Variants in LRRC61 observed in about 807,000 individuals in gnomAD.
LRRC61 encodes leucine rich repeat containing 61.
In LRRC61, 9 loss-of-function variants were observed where a neutral mutation model predicts 15.1. That is an observed-to-expected ratio of 0.60 (90% CI 0.36 to 1.04). LRRC61 has a LOEUF of 1.04. Ranked by LOEUF, LRRC61 falls within the 50% of genes least tolerant of loss-of-function variation. LRRC61 has a pLI of 0.01. For missense variants in LRRC61, 344 were observed against 335.6 expected (o/e 1.03, Z -0.20); for synonymous variants, 173 against 158.6 (o/e 1.09, Z -0.68).
At chr7:150,320,281 C>T (rs1053592378), upstream of LRRC61, among the ~76,000 whole-genome samples, 13 of 152,202 alleles carry the variant, frequency 8.5e-5, no homozygotes, top group East Asian at 3.8e-4. Flanking sequence ...AGAGGAAGAA[C>T]GCCCTACCTC....
Position 150,330,148 on chromosome 7 carries a change from AT to A in LRRC61, c.-145+4141del, listed in dbSNP as rs1459676711. Reference sequence around the variant, plus strand: ...GGCACTGCCAGGGCCACCTGCAGCCATTTCTAAGGCTCTGTGGAGGCCCAGG... The same window carrying A: ...GGCACTGCCAGGGCCACCTGCAGCCATTCTAAGGCTCTGTGGAGGCCCAGG... On this transcript the variant is annotated intron_variant, in intron 2 of 2. Coordinates refer to ENST00000359623, the MANE Select transcript of LRRC61 (RefSeq NM_001142928.2). This position sits in a 1 kb window ranked among gnomAD's most constrained non-coding sequence, Gnocchi z 4.6. 5.5e-6 allele frequency: 3 copies of A among 543,436 alleles called. No homozygotes were observed. Among genetic ancestry groups the A allele is most frequent in the Non-Finnish European group, 9.8e-6 (3 of 306,200 alleles). The allele number at this position is 543,436 out of a possible 1,614,324, so 33.7% of individuals were successfully genotyped here.
chr7:150,315,719 G>A, the LRRC61 span, among the ~76,000 whole-genome samples: 1 of 152,088 alleles, frequency 6.6e-6, no homozygotes, highest in Admixed American at 6.5e-5. Context: ...GTCTTTTCCA[G>A]AGAGACTCTA....
At chr7:150,323,906 A>G (rs1368566578) in intron 1 of LRRC61, among the ~76,000 whole-genome samples, 1 of 152,220 alleles carries the variant, frequency 6.6e-6, no homozygotes, top group Non-Finnish European at 1.5e-5. Context: ...CTCCATTGTT[A>G]GCCCTAAGCT....
Position 150,337,292 on chromosome 7 carries a change from C to G in LRRC61, c.431C>G (p.Pro144Arg). 1.2e-6 allele frequency: 2 copies of G among 1,603,510 alleles called. No individual in the cohort carries two copies. Among genetic ancestry groups the G allele is most frequent in the South Asian group, 1.1e-5 (1 of 91,084 alleles). Reference protein sequence around the residue: ...ARLSNPLCANPSYWAAVRELL... With the variant: ...ARLSNPLCANRSYWAAVRELL... ...CTCAGCAACCCGCTCTGTGCCAACC[C>G]CTCCTACTGGGCTGCAGTCCGGGAG... The change falls in exon 3 of 3, where the codon CCC becomes CGC. Residue 144 changes from proline to arginine, a missense_variant. By Grantham distance (103) the Pro-to-Arg change is moderately radical. Coordinates refer to ENST00000359623, the MANE Select transcript of LRRC61 (RefSeq NM_001142928.2).
At chr7:150,336,507 A>T (rs1332616969) in intron 2 of LRRC61, among the ~76,000 whole-genome samples, 1 of 152,248 alleles carries the variant, frequency 6.6e-6, no homozygotes, top group Non-Finnish European at 1.5e-5. Context: ...CTAACCAGCC[A>T]GGGCCAGTCT....
the LRRC61 span, among the ~76,000 whole-genome samples, chr7:150,311,047 G>A: frequency 6.6e-6 from 1 of 152,006 alleles, no homozygotes; most frequent in East Asian, 1.9e-4. Flanking sequence ...TCCTTCTTAG[G>A]CATTGTTGGA....
chr7:150,322,086 T>C (rs1313949412), upstream of LRRC61, among the ~76,000 whole-genome samples: 1 of 152,266 alleles, frequency 6.6e-6, no homozygotes, highest in Non-Finnish European at 1.5e-5. Flanking sequence ...ACATGACTTC[T>C]TCGGCTCCCA....
In LRRC61 at chr7:150,337,139, T is replaced by TGGCC; in HGVS notation, c.279_282dup (p.Thr95GlyfsTer4). 6.2e-7 allele frequency: 1 copy of TGGCC among 1,611,696 alleles called. No homozygotes were observed. On this transcript the variant is annotated frameshift_variant, in exon 3 of 3. Transcript: ENST00000359623. LOFTEE classifies it high-confidence loss of function. ...AATCGGCTGACGGGCCTGGAGCCACTGGCCACCTGTGAGAACTTGCAGAGT... is the reference window on the plus strand; with the variant it reads ...AATCGGCTGACGGGCCTGGAGCCACTGGCCGGCCACCTGTGAGAACTTGCAGAGT...
the LRRC61 span, among the ~76,000 whole-genome samples, chr7:150,309,722 G>A: frequency 6.6e-6 from 1 of 152,290 alleles, no homozygotes; most frequent in South Asian, 2.1e-4. Flanking sequence ...CTGGAAATCG[G>A]ACTGTCCAAC....
chr7:150,330,955 C>T lies in LRRC61; in HGVS notation c.-145+4945C>T, dbSNP rs578140002. 2.2e-5 allele frequency: 36 copies of T among 1,611,944 alleles called. No homozygotes were observed. The East Asian group carries it at 5.1e-4, about 23-fold the overall frequency. ...CTGGCCTCTGAGAGAAGCGGGGGCT[C>T]GCTGTCCACCAAGAGCCACTGGGCC... On this transcript the variant is annotated intron_variant, in intron 2 of 2. Transcript: ENST00000359623. This position sits in a 1 kb window ranked among gnomAD's most constrained non-coding sequence, Gnocchi z 4.6.
chr7:150,331,840 G>C (rs1798117075), intron 2 of LRRC61: 1 of 167,116 alleles, frequency 6.0e-6, no homozygotes, highest in South Asian at 2.1e-4. Flanking sequence ...GAAACCCCAA[G>C]GGTAGAATAG....
In LRRC61 at chr7:150,337,364, G is replaced by T; in HGVS notation, c.503G>T (p.Arg168Leu). Residue 168 changes from arginine (R) to leucine (L), a missense_variant, in exon 3 of 3, where the codon CGT (arginine) becomes CTT (leucine). By Grantham distance (102) the Arg-to-Leu change is moderately radical. Coordinates refer to ENST00000359623, the MANE Select transcript of LRRC61 (RefSeq NM_001142928.2). ...ATCGACGGTGAGCGTGTGATTGGGC[G>T]TGGTAGTGAGTTCTACCAGCTGTGC... ...KVIDGERVIGRGSEFYQLCRD... is the reference protein window; with the variant it reads ...KVIDGERVIGLGSEFYQLCRD... The T allele has an allele frequency of 6.2e-7, 1 of 1,605,166 alleles. No homozygotes were observed.
At chr7:150,312,762 A>AT in the LRRC61 span, among the ~76,000 whole-genome samples, 1 of 152,148 alleles carries the variant, frequency 6.6e-6, no homozygotes, top group Non-Finnish European at 1.5e-5. Context: ...GAAAAAACCG[A>AT]TATTTTCTTC....
upstream of LRRC61, among the ~76,000 whole-genome samples, chr7:150,320,778 A>G (rs1797429715): frequency 6.6e-6 from 1 of 152,178 alleles, no homozygotes; most frequent in African/African-American, 2.4e-5. Context: ...CAAAAACAAA[A>G]ACAAGAATGC....
chr7:150,328,308 C>G (rs1798007441), intron 2 of LRRC61, among the ~76,000 whole-genome samples: 1 of 152,232 alleles, frequency 6.6e-6, no homozygotes, highest in Admixed American at 6.5e-5. Context: ...TGTTTTACAT[C>G]CTTTTTGCCT....
At chr7:150,311,312 C>T in the LRRC61 span, among the ~76,000 whole-genome samples, 1 of 152,192 alleles carries the variant, frequency 6.6e-6, no homozygotes, top group African/African-American at 2.4e-5. Context: ...AATCTATAGC[C>T]TTTCTATCCA....
Position 150,330,606 on chromosome 7 carries a change from C to T in LRRC61, c.-145+4596C>T, listed in dbSNP as rs751082684. ...CTGTCAGCTCAACAAGCTCTTCTACCGCGAGGAGTTTGTGCTGGCCACCTT... is the reference window on the plus strand; with the variant it reads ...CTGTCAGCTCAACAAGCTCTTCTACTGCGAGGAGTTTGTGCTGGCCACCTT... On this transcript the variant is annotated intron_variant, in intron 2 of 2. Transcript: ENST00000359623. The surrounding 1 kb of genome is among the most constrained non-coding windows in gnomAD (Gnocchi z 4.6). 12 of 821,230 alleles carry T rather than the reference C, an allele frequency of 1.5e-5. No individual in the cohort carries two copies. Among genetic ancestry groups the T allele is most frequent in the South Asian group, 4.0e-5 (3 of 75,314 alleles). The allele number at this position is 821,230 out of a possible 1,614,324, so 50.9% of individuals were successfully genotyped here.
At chr7:150,323,755 A>G (rs767891595) in intron 1 of LRRC61, 195 bp downstream of exon 1, 2 of 451,280 alleles carry the variant, frequency 4.4e-6, no homozygotes, top group Non-Finnish European at 8.9e-6. Flanking sequence ...ATACTGTGGT[A>G]TTAATTAACT....
intron 2 of LRRC61, chr7:150,331,100 C>T (rs571516201): frequency 1.2e-6 from 2 of 1,610,086 alleles, no homozygotes; most frequent in South Asian, 1.1e-5. Flanking sequence ...TTACCCCCCA[C>T]AGGAGCCTTC....
Sources: gnomAD v4.1 joint callset for allele counts (sites outside exome capture counted in the v4.1 genomes callset) on GRCh38, gnomAD v4.1.1 for gene constraint, Gnocchi (gnomAD v3.1) non-coding constraint, MANE v1.5 for transcripts, NCBI Gene and HGNC (gene_info 2026-07-23, HGNC 2026-07-21) for gene names.